The following NDST4 variants were observed in gnomAD, a reference collection of about 807,000 sequenced individuals.
NDST4 encodes N-deacetylase and N-sulfotransferase 4.
NDST4 carries 63 observed loss-of-function variants against 100.8 expected under a neutral mutation model. The observed-to-expected ratio is 0.62, with a 90% CI of 0.51 to 0.77. The LOEUF (loss-of-function observed/expected upper bound fraction) is 0.77. NDST4 is among the 30% of genes least tolerant of loss of function. The pLI is 0.00. For missense variants in NDST4, 943 were observed against 1,018.4 expected, an observed-to-expected ratio of 0.93 and a Z score of 1.01; for synonymous variants, 377 against 361.8, an observed-to-expected ratio of 1.04 and a Z score of -0.48.
chr4:115,106,854 A>G (rs1031872238), intron 1 of NDST4, among the ~76,000 whole-genome samples: 8 of 152,034 alleles, frequency 5.3e-5, no homozygotes, highest in African/African-American at 1.9e-4. Flanking sequence ...TCTGCTACGT[A>G]AGATTTAGTA....
rs149216100 is a variant in NDST4 at position 114,830,079 on chromosome 4, T to C, written c.2397-187A>G. The stretch of plus-strand genomic sequence containing the variant: ...ATGAAAGAAGCTATATGTTATTATA[T>C]ATTTTAAGTAGCTATACTATACTGA... On this transcript the variant is annotated intron_variant, in intron 12 of 13. Coordinates refer to ENST00000264363, the MANE Select transcript of NDST4 (RefSeq NM_022569.3). 1.1e-4 allele frequency among the ~76,000 whole-genome samples: 16 copies of C among 152,356 alleles called. No individual in the cohort carries two copies. The East Asian group carries it at 3.1e-3, about 29-fold the overall frequency.
chr4:114,998,679 A>G (rs1043470742), intron 2 of NDST4, among the ~76,000 whole-genome samples: 32 of 152,042 alleles, frequency 2.1e-4, no homozygotes, highest in African/African-American at 7.7e-4. Flanking sequence ...ATAGTTTTGC[A>G]ATTAGAGAGT....
At chr4:115,021,211 T>C (rs9761718) in intron 2 of NDST4, among the ~76,000 whole-genome samples, 6 of 143,338 alleles carry the variant, frequency 4.2e-5, no homozygotes, top group African/African-American at 1.1e-4. Flanking sequence ...ATATATTCCA[T>C]ATATATATAT....
At chr4:115,103,387 TA>T (rs1291499418) in intron 1 of NDST4, among the ~76,000 whole-genome samples, 1 of 152,168 alleles carries the variant, frequency 6.6e-6, no homozygotes, top group Non-Finnish European at 1.5e-5. Context: ...AAATTAATTA[TA>T]AATCTCTTCT....
intron 2 of NDST4, among the ~76,000 whole-genome samples, chr4:115,062,553 G>T (rs1472040266): frequency 6.6e-6 from 1 of 151,482 alleles, no homozygotes; most frequent in Non-Finnish European, 1.5e-5. Flanking sequence ...GATATAAAAA[G>T]ACATGAAATA....
At chr4:115,073,056 T>C (rs1387117507) in intron 2 of NDST4, among the ~76,000 whole-genome samples, 2 of 151,938 alleles carry the variant, frequency 1.3e-5, no homozygotes, top group African/African-American at 4.8e-5. Context: ...AAATGACCAA[T>C]AGGTTTATAA....
At chr4:115,033,157 A>ATATATATTTTT (rs1491126767) in intron 2 of NDST4, among the ~76,000 whole-genome samples, 2 of 59,944 alleles carry the variant, frequency 3.3e-5, no homozygotes, top group African/African-American at 1.1e-4. Context: ...ATATATATAT[A>ATATATATTTTT]TTTTTTTTTT....
At chr4:114,886,692 C>T (rs1002362462) in intron 6 of NDST4, among the ~76,000 whole-genome samples, 1 of 151,924 alleles carries the variant, frequency 6.6e-6, no homozygotes, top group Non-Finnish European at 1.5e-5. Flanking sequence ...ATTTGTTTCT[C>T]TTATTCTTAG....
chr4:115,105,424 ATT>A (rs1354712072), intron 1 of NDST4, among the ~76,000 whole-genome samples: 5 of 152,178 alleles, frequency 3.3e-5, no homozygotes, highest in African/African-American at 1.2e-4. Context: ...AAATAATTCT[ATT>A]ATGAAAATTT....
intron 1 of NDST4, among the ~76,000 whole-genome samples, chr4:115,112,989 G>A (rs1729984388): frequency 6.6e-6 from 1 of 151,784 alleles, no homozygotes; most frequent in Non-Finnish European, 1.5e-5. Flanking sequence ...TAAATCTCAG[G>A]TCCAAAAAAC....
intron 4 of NDST4, among the ~76,000 whole-genome samples, chr4:114,957,855 T>C (rs1161133203): frequency 2.6e-5 from 4 of 152,200 alleles, no homozygotes; most frequent in Non-Finnish European, 5.9e-5. Context: ...TGATCTCCTT[T>C]GATGCCATGT....
chr4:115,103,811 C>T (rs1056426109), intron 1 of NDST4, among the ~76,000 whole-genome samples: 3 of 152,042 alleles, frequency 2.0e-5, no homozygotes, highest in Non-Finnish European at 4.4e-5. Context: ...ATTCTCCCAC[C>T]AAAAACTAAT....
At chr4:115,004,705 G>T (rs77791716) in intron 2 of NDST4, among the ~76,000 whole-genome samples, 5,069 of 152,178 alleles carry the variant, frequency 0.033, 292 homozygotes, top group African/African-American at 0.12. Flanking sequence ...ACTATAACAG[G>T]TGTATTAGTC....
chr4:114,848,438 A>G (rs974468369), intron 8 of NDST4, 100 bp from the exon 9 acceptor site: 1 of 906,738 alleles, frequency 1.1e-6, no homozygotes, highest in Non-Finnish European at 1.6e-6. Context: ...ATAATCAACT[A>G]TTTCCAGTAT....
intron 6 of NDST4, among the ~76,000 whole-genome samples, chr4:114,916,580 GTGTTTGTGTGTA>G (rs1725174738): frequency 2.2e-5 from 3 of 136,304 alleles, no homozygotes; most frequent in African/African-American, 8.9e-5. Context: ...GTGTGTGTGT[GTGTTTGTGTGTA>G]TGTGTGTGTG....
At chr4:114,911,701 C>T (rs374986360) in intron 6 of NDST4, among the ~76,000 whole-genome samples, 42 of 152,106 alleles carry the variant, frequency 2.8e-4, no homozygotes, top group East Asian at 7.7e-4. Context: ...GAAAATATCG[C>T]GGGTATTGGG....
chr4:115,066,190 A>G (rs1263498236), intron 2 of NDST4, among the ~76,000 whole-genome samples: 1 of 152,214 alleles, frequency 6.6e-6, no homozygotes, highest in African/African-American at 2.4e-5. Context: ...TATGAACTCT[A>G]TAATAAAGAC....
intron 2 of NDST4, among the ~76,000 whole-genome samples, chr4:115,019,951 T>A (rs976596218): frequency 1.2e-4 from 18 of 152,076 alleles, no homozygotes; most frequent in African/African-American, 4.3e-4. Context: ...TTAGCCAGTC[T>A]GTGTTATTGT....
At chr4:115,072,477 C>T (rs968160271) in intron 2 of NDST4, among the ~76,000 whole-genome samples, 1 of 151,864 alleles carries the variant, frequency 6.6e-6, no homozygotes, top group African/African-American at 2.4e-5. Context: ...ATGATACTAG[C>T]ATAAAAACAG....
Sources: allele counts gnomAD v4.1 joint callset (sites outside exome capture counted in the v4.1 genomes callset), GRCh38; gene constraint gnomAD v4.1.1; transcripts MANE v1.5; gene names NCBI Gene and HGNC (gene_info 2026-07-23, HGNC 2026-07-21).